Variants in KIF13B observed in about 807,000 individuals in gnomAD.
KIF13B encodes kinesin family member 13B.
Under a neutral mutation model 222.0 loss-of-function variants are expected in KIF13B, and 127 were observed. That is an observed-to-expected ratio of 0.57 (90% confidence interval 0.50 to 0.66). The LOEUF (loss-of-function observed/expected upper bound fraction) is 0.66, where lower values mean the gene tolerates loss of function less well. Ranked by LOEUF, KIF13B falls within the 30% of genes least tolerant of loss-of-function variation. The pLI, the probability that KIF13B is intolerant of heterozygous loss-of-function variation, is 0.00. For missense variants in KIF13B, 2,173 were observed against 2,379.0 expected (o/e 0.91, Z 1.80); for synonymous variants, 976 against 919.0 (o/e 1.06, Z -1.12).
At chr8:29,100,584 C>T (rs1307906172) in intron 35 of KIF13B, among the ~76,000 whole-genome samples, 4 of 152,126 alleles carry the variant, frequency 2.6e-5, no homozygotes, top group Non-Finnish European at 5.9e-5. Context: ...GTTCGGATTA[C>T]AGGCATGCGC....
chr8:29,199,233 G>A (rs1317684351), intron 2 of KIF13B, among the ~76,000 whole-genome samples: 4 of 152,092 alleles, frequency 2.6e-5, no homozygotes, highest in African/African-American at 9.7e-5. Context: ...TAAACCTACA[G>A]GGAGGTAAGA....
chr8:29,137,256 A>C lies in KIF13B; in HGVS notation c.2613+2807T>G, dbSNP rs368017148. Among the ~76,000 whole-genome samples, 6 of 152,382 alleles carry C rather than the reference A, an allele frequency of 3.9e-5. No individual in the cohort carries two copies. The South Asian group carries it at 8.3e-4, about 21-fold the overall frequency. ...ATATGCTGAACTCTCGCCTATGGGC[A>C]ACCTCTCAGGAATGCAACTGCCAGG... On this transcript the variant is annotated intron_variant, in intron 21 of 39. Coordinates refer to ENST00000524189, the MANE Select transcript of KIF13B (RefSeq NM_015254.4).
intron 2 of KIF13B, among the ~76,000 whole-genome samples, chr8:29,241,571 C>T (rs1030289674): frequency 2.6e-5 from 4 of 152,190 alleles, no homozygotes; most frequent in Admixed American, 6.5e-5. Context: ...AGGCATCTGC[C>T]TTTCTCACTG....
rs113432508 is a variant in KIF13B at position 29,110,192 on chromosome 8, C to A, written c.3931-122G>T. The A allele has an allele frequency of 1.9e-3, 1,490 of 803,672 alleles. 6 individuals carry two copies. The highest frequency in any genetic ancestry group is 0.017 in the African/African-American group (975 of 57,792). The allele number at this position is 803,672 out of a possible 1,614,324, so 49.8% of individuals were successfully genotyped here. Reference sequence around the variant, plus strand: ...TTCCATTTTAAAGTCAGCTTTGGAACGCCAAAGCATTTTTCCAAGGAAATA... The same window carrying A: ...TTCCATTTTAAAGTCAGCTTTGGAAAGCCAAAGCATTTTTCCAAGGAAATA... On this transcript the variant is annotated intron_variant, in intron 32 of 39. Transcript: ENST00000524189.
At position 29,071,844 on chromosome 8, in the gene KIF13B, C is replaced by G. The variant is rs764968047; in HGVS notation, c.4994G>C (p.Gly1665Ala). 685 of 1,539,834 alleles carry G rather than the reference C, an allele frequency of 4.4e-4. 2 individuals carry two copies. Among genetic ancestry groups the G allele is most frequent in the South Asian group, 3.3e-4 (28 of 84,008 alleles). The part of the protein sequence containing the change: ...ELRSFSRMLA[G>A]DPGCSPGAEG... ...GGCCCCCGGGGAGCAGCCGGGGTCC[C>G]CAGCCAGCATGCGCGAGAAGGAGCG... is the stretch of plus-strand genomic sequence containing the variant. Residue 1665 changes from glycine (G) to alanine (A), a missense_variant, in exon 39 of 40, where the codon GGG becomes GCG. Around this residue, in one of 2 missense-constraint regions of KIF13B, gnomAD observed 693 missense variants for 656.2 expected, o/e 1.06. Transcript: ENST00000524189. This position sits in a 1 kb window ranked among gnomAD's most constrained non-coding sequence, Gnocchi z 4.9.
chr8:29,074,664 C>T (rs757502993), intron 38 of KIF13B, among the ~76,000 whole-genome samples: 1 of 152,218 alleles, frequency 6.6e-6, no homozygotes, highest in Non-Finnish European at 1.5e-5. Flanking sequence ...ACAGCAAATT[C>T]GTGAATGCCC....
At position 29,200,807 on chromosome 8, in the gene KIF13B, C is replaced by A. The variant is rs538609950; in HGVS notation, c.150-4608G>T. ...ACTGGCCATTTATTTTGTAGAATGT[C>A]CCTCAATCTGGGTTTGCCTAATGCT... On this transcript the variant is annotated intron_variant, in intron 2 of 39. Coordinates refer to ENST00000524189, the MANE Select transcript of KIF13B (RefSeq NM_015254.4). Among the ~76,000 whole-genome samples the A allele has an allele frequency of 4.6e-5, 7 of 152,264 alleles. No homozygotes were observed. In the South Asian group the frequency reaches 1.2e-3, roughly 27 times the overall value.
At chr8:29,083,155 C>T (rs139010491) in intron 37 of KIF13B, among the ~76,000 whole-genome samples, 148 of 152,210 alleles carry the variant, frequency 9.7e-4, no homozygotes, top group African/African-American at 3.3e-3. Context: ...TCCAGCTTGT[C>T]GCCAGCTTAA....
chr8:29,164,600 T>A (rs1481899691), intron 12 of KIF13B, among the ~76,000 whole-genome samples: 2 of 152,146 alleles, frequency 1.3e-5, no homozygotes, highest in Non-Finnish European at 2.9e-5. Context: ...AAGAACAAAC[T>A]AGGGCCAGTG....
chr8:29,152,021 G>T (rs1811320986), intron 14 of KIF13B, among the ~76,000 whole-genome samples: 2 of 152,158 alleles, frequency 1.3e-5, no homozygotes. Flanking sequence ...ACATTAACAA[G>T]GAATTTGGAA....
intron 14 of KIF13B, among the ~76,000 whole-genome samples, chr8:29,152,319 T>C (rs1811333842): frequency 6.6e-6 from 1 of 152,164 alleles, no homozygotes; most frequent in African/African-American, 2.4e-5. Flanking sequence ...GATAAAGCAG[T>C]GTCAGGGTCG....
In KIF13B at chr8:29,146,407, G is replaced by C. The variant is rs1357995758; in HGVS notation, c.2158C>G (p.Pro720Ala). The C allele has an allele frequency of 1.2e-6, 2 of 1,613,918 alleles. No homozygotes were observed. Among genetic ancestry groups the C allele is most frequent in the Non-Finnish European group, 1.7e-6 (2 of 1,179,870 alleles). The change falls in exon 18 of 40, where the codon CCA becomes GCA. Residue 720 changes from proline to alanine, a missense_variant. Pro to Ala is a conservative substitution (Grantham distance 27). Coordinates refer to ENST00000524189, the MANE Select transcript of KIF13B (RefSeq NM_015254.4). Reference protein sequence around the residue: ...RTEYKVTLQIPASSLDANRKR... With the variant: ...RTEYKVTLQIAASSLDANRKR... ...CTGTTGGCATCCAGGCTGGAGGCTG[G>C]AATCTGTAGGGTAACTTTGTATTCT...
At chr8:29,134,632 T>C (rs1810480975) in intron 21 of KIF13B, among the ~76,000 whole-genome samples, 1 of 152,110 alleles carries the variant, frequency 6.6e-6, no homozygotes, top group Non-Finnish European at 1.5e-5. Flanking sequence ...AATCGGTGTA[T>C]GGGCCAAGAA....
rs746255816 is a variant in KIF13B at position 29,155,799 on chromosome 8, T to G, written c.1462A>C (p.Ile488Leu). The G allele has an allele frequency of 6.3e-7, 1 of 1,595,934 alleles. No individual in the cohort carries two copies. Among genetic ancestry groups the G allele is most frequent in the East Asian group, 2.2e-5 (1 of 44,532 alleles). Residue 488 changes from isoleucine (I) to leucine (L), a missense_variant, in exon 14 of 40, where the codon ATT becomes CTT. Around this residue, in one of 2 missense-constraint regions of KIF13B, gnomAD observed 1,480 missense variants for 1,722.8 expected, o/e 0.86. Transcript: ENST00000524189. ...TCTATAATACAGTGTTCAGGAAGAA[T>G]TCCCATGCCGCACAGTTGGATATCT... ...SQDIQLCGMG[I>L]LPEHCIIDIT...
At chr8:29,167,343 T>C in intron 11 of KIF13B, 30 bp downstream of exon 11, 8 of 1,557,906 alleles carry the variant, frequency 5.1e-6, no homozygotes, top group Non-Finnish European at 6.2e-6. Context: ...CTTCCTGGAC[T>C]CACAGGGCGC....
At chr8:29,252,006 A>AG (rs2130679169) in intron 1 of KIF13B, among the ~76,000 whole-genome samples, 1 of 152,082 alleles carries the variant, frequency 6.6e-6, no homozygotes, top group South Asian at 2.1e-4. Flanking sequence ...AGGAAAGGAA[A>AG]GAAAGGAAAA....
chr8:29,124,798 G>A (rs1206016612), intron 26 of KIF13B, among the ~76,000 whole-genome samples: 4 of 151,540 alleles, frequency 2.6e-5, no homozygotes, highest in Admixed American at 1.3e-4. Context: ...CAGGAGAATC[G>A]CTTGAACCCG....
chr8:29,177,576 T>G lies in KIF13B; in HGVS notation c.723A>C (p.Thr241=). Residue 241 remains threonine, a splice_region_variant and synonymous_variant, in exon 9 of 40, where the codon ACA becomes ACC. Transcript: ENST00000524189. ...THTLYDVKSG[T]SGEKVGKLSL... ...TGAGTTTGCCCACTTTCTCTCCAGA[T>G]GTCTACAAAGGAAATCAATCAATAC... is the stretch of plus-strand genomic sequence containing the variant. The G allele has an allele frequency of 1.2e-6, 2 of 1,606,354 alleles. No homozygotes were observed. The highest frequency in any genetic ancestry group is 2.2e-5 in the South Asian group (2 of 90,908).
chr8:29,072,344 G>T (rs1394373382), intron 38 of KIF13B, 28 bp from the exon 39 acceptor site: 1 of 1,370,172 alleles, frequency 7.3e-7, no homozygotes, highest in Non-Finnish European at 9.5e-7. Context: ...AGCAGGGGCT[G>T]AGAACAGAAA....
Sources: gnomAD v4.1 joint callset for allele counts (sites outside exome capture counted in the v4.1 genomes callset) on GRCh38, gnomAD v4.1.1 for gene constraint, gnomAD v4.1.1 regional missense constraint, Gnocchi (gnomAD v3.1) non-coding constraint, MANE v1.5 for transcripts, NCBI Gene and HGNC (gene_info 2026-07-23, HGNC 2026-07-21) for gene names.